ANP32A: variants seen among roughly 807,000 people sequenced by gnomAD.
The protein encoded by ANP32A is acidic leucine-rich nuclear phosphoprotein 32 family member A.
ANP32A carries 1 observed loss-of-function variant against 33.9 expected under a neutral mutation model. The observed-to-expected ratio is 0.03, with a 90% CI of 0.01 to 0.14. The LOEUF (loss-of-function observed/expected upper bound fraction) is 0.14, where lower values mean the gene tolerates loss of function less well. ANP32A is among the 10% of genes least tolerant of loss of function. The probability of loss-of-function intolerance (pLI) is 1.00; values close to 1 mark genes in which losing one functional copy is unlikely to be tolerated. For synonymous variants in ANP32A, 115 were observed against 120.5 expected, an observed-to-expected ratio of 0.95 and a Z score of 0.30; for missense variants, 155 against 306.0, an observed-to-expected ratio of 0.51 and a Z score of 3.68.
chr15:68,802,802 G>A (rs1306013789), intron 1 of ANP32A, among the ~76,000 whole-genome samples: 1 of 152,096 alleles, frequency 6.6e-6, no homozygotes. Context: ...ACAGGTATGT[G>A]CCATCATGCC....
intron 3 of ANP32A, among the ~76,000 whole-genome samples, chr15:68,786,291 ACT>A (rs1893932869): frequency 8.4e-6 from 1 of 118,354 alleles, no homozygotes; most frequent in Admixed American, 1.2e-4. Flanking sequence ...ACAGAGTCTC[ACT>A]CTGTCACCCA....
intron 1 of ANP32A, chr15:68,791,243 T>C (rs939125729): frequency 1.3e-5 from 2 of 152,216 alleles, no homozygotes; most frequent in African/African-American, 4.8e-5. Flanking sequence ...TCATCAAACC[T>C]AAGTATAAAA....
At chr15:68,796,127 G>A (rs188440849) in intron 1 of ANP32A, among the ~76,000 whole-genome samples, 1 of 152,288 alleles carries the variant, frequency 6.6e-6, no homozygotes, top group African/African-American at 2.4e-5. Flanking sequence ...TGTCACCTAA[G>A]CTGGCGTGCA....
intron 1 of ANP32A, among the ~76,000 whole-genome samples, chr15:68,809,779 A>G (rs1380677961): frequency 2.6e-5 from 4 of 152,338 alleles, no homozygotes; most frequent in East Asian, 1.9e-4. Context: ...ACAAGAAGGT[A>G]TAAGTACCAC....
chr15:68,785,096 G>A (rs2140359979), intron 3 of ANP32A, among the ~76,000 whole-genome samples: 1 of 152,294 alleles, frequency 6.6e-6, no homozygotes, highest in South Asian at 2.1e-4. Context: ...CCCCTGTAAG[G>A]TAGAAATAAT....
In ANP32A at chr15:68,807,430, G is replaced by C. The variant is rs561747099; in HGVS notation, c.54+13268C>G. Among the ~76,000 whole-genome samples the C allele has an allele frequency of 3.1e-4, 46 of 147,372 alleles. 1 individual carries two copies. Among genetic ancestry groups the C allele is most frequent in the African/African-American group, 1.1e-3 (45 of 40,900 alleles). On this transcript the variant is annotated intron_variant, in intron 1 of 6. Coordinates refer to ENST00000465139, the MANE Select transcript of ANP32A (RefSeq NM_006305.4). ...CCCGCCCCACCTCCACAGAAAACGG[G>C]GGGGGGGGAGTCTCTCCTTTGCCCA... is the stretch of plus-strand genomic sequence containing the variant.
At chr15:68,799,476 A>C (rs997556028) in intron 1 of ANP32A, among the ~76,000 whole-genome samples, 2 of 152,202 alleles carry the variant, frequency 1.3e-5, no homozygotes, top group Non-Finnish European at 2.9e-5. Context: ...TTAATCTCAA[A>C]ATGCTAAAAA....
intron 1 of ANP32A, among the ~76,000 whole-genome samples, chr15:68,804,682 A>G (rs1455660358): frequency 6.6e-6 from 1 of 151,882 alleles, no homozygotes. Context: ...CGCCCAATTA[A>G]TTTTTGTATT....
chr15:68,806,805 C>T (rs1023264006), intron 1 of ANP32A, among the ~76,000 whole-genome samples: 32 of 152,238 alleles, frequency 2.1e-4, no homozygotes, highest in African/African-American at 7.7e-4. Flanking sequence ...GGAAGGAACG[C>T]CTGGGTGGCT....
chr15:68,784,533 G>A lies in ANP32A; in HGVS notation c.390C>T (p.Asp130=), dbSNP rs754594970. The A allele has an allele frequency of 2.9e-5, 47 of 1,614,232 alleles. 1 individual carries two copies. In the South Asian group the frequency reaches 4.9e-4, roughly 17 times the overall value. Residue 130 remains aspartate (D), a synonymous_variant, in exon 4 of 7, where the codon GAC becomes GAT. Coordinates refer to ENST00000465139, the MANE Select transcript of ANP32A (RefSeq NM_006305.4). ...GGAGCTTGAACACATTTTCTCGGTA[G>A]TCGTTCAGGTTGGTTACCTCGCAAT... ...LFNCEVTNLN[D]YRENVFKLLP...
chr15:68,785,648 G>C (rs1010880046), intron 3 of ANP32A, among the ~76,000 whole-genome samples: 1 of 152,132 alleles, frequency 6.6e-6, no homozygotes, highest in African/African-American at 2.4e-5. Flanking sequence ...GCTACCAAAA[G>C]CAGCTTCCCG....
chr15:68,780,758 G>T lies in ANP32A; in HGVS notation c.625-285C>A. 1 of 354,612 alleles carries T rather than the reference G, an allele frequency of 2.8e-6. No homozygotes were observed. The allele number at this position is 354,612 out of a possible 1,614,324, so 22.0% of individuals were successfully genotyped here. ...GGGGGTTATGGATTCCAGGACCCAG[G>T]TTAAGAACTCTGATCTGAAGTCCCT... On this transcript the variant is annotated intron_variant, in intron 5 of 6. Coordinates refer to ENST00000465139, the MANE Select transcript of ANP32A (RefSeq NM_006305.4). The surrounding 1 kb of genome is among the most constrained non-coding windows in gnomAD (Gnocchi z 4.3).
intron 3 of ANP32A, among the ~76,000 whole-genome samples, chr15:68,784,980 CA>C (rs1328082165): frequency 6.6e-6 from 1 of 152,104 alleles, no homozygotes; most frequent in African/African-American, 2.4e-5. Context: ...AGAGGGAAAC[CA>C]AAAGTCAACT....
chr15:68,813,251 G>C (rs1312086429), intron 1 of ANP32A, among the ~76,000 whole-genome samples: 1 of 152,202 alleles, frequency 6.6e-6, no homozygotes, highest in African/African-American at 2.4e-5. Flanking sequence ...ACAGGGCTTG[G>C]TGTGGTAGAA....
At chr15:68,782,238 G>C (rs1272298642) in intron 5 of ANP32A, among the ~76,000 whole-genome samples, 3 of 152,182 alleles carry the variant, frequency 2.0e-5, no homozygotes, top group African/African-American at 7.2e-5. Flanking sequence ...GGGTGTGAAC[G>C]CCTACAATAA....
At chr15:68,787,596 G>C in intron 2 of ANP32A, 61 bp from the exon 3 acceptor site, 1 of 1,611,048 alleles carries the variant, frequency 6.2e-7, no homozygotes, top group Non-Finnish European at 8.5e-7. Context: ...TACCGGCTCA[G>C]AGCTGCCCGG....
chr15:68,787,192 G>A (rs1893943706), intron 3 of ANP32A: 2 of 589,054 alleles, frequency 3.4e-6, no homozygotes, highest in African/African-American at 3.7e-5. Flanking sequence ...CCGTACAATA[G>A]CTGCCCATTC....
At position 68,778,884 on chromosome 15, in the gene ANP32A, C is replaced by CA. The variant is rs1170720805; in HGVS notation, c.*1196dup. 6.6e-6 allele frequency: 1 copy of CA among 152,042 alleles called. No individual in the cohort carries two copies. Among genetic ancestry groups the CA allele is most frequent in the Non-Finnish European group, 1.5e-5 (1 of 68,006 alleles). 9.4% of individuals were successfully genotyped at this position (152,042 alleles called of 1,614,324 possible). A position where few individuals can be genotyped will look rare whatever the true frequency, so the allele number is the denominator to read the frequency against. ...GAAAAGATCAATGGCCTGTTGGACT[C>CA]AAAGAAGCCATCCCCAAAAAAATTG... is the stretch of plus-strand genomic sequence containing the variant. On this transcript the variant is annotated 3_prime_UTR_variant, in exon 7 of 7. Transcript: ENST00000465139.
intron 1 of ANP32A, among the ~76,000 whole-genome samples, chr15:68,809,249 T>C (rs900219693): frequency 6.6e-6 from 1 of 151,996 alleles, no homozygotes; most frequent in African/African-American, 2.4e-5. Flanking sequence ...AAAGGGAGAC[T>C]GTGAATGTCC....
Sources: gnomAD v4.1 joint callset for allele counts (sites outside exome capture counted in the v4.1 genomes callset) on GRCh38, gnomAD v4.1.1 for gene constraint, Gnocchi (gnomAD v3.1) non-coding constraint, MANE v1.5 for transcripts, NCBI Gene and HGNC (gene_info 2026-07-23, HGNC 2026-07-21) for gene names.